Variants in TRIM67 observed in about 807,000 individuals in gnomAD.
The protein encoded by TRIM67 is tripartite motif-containing protein 67.
Under a neutral mutation model 71.0 loss-of-function variants are expected in TRIM67, and 39 were observed. That is an observed-to-expected ratio of 0.55 (90% confidence interval 0.43 to 0.72). The LOEUF is 0.72. Among genes scored for constraint, TRIM67 ranks in the 30% least tolerant of loss-of-function variants. TRIM67 has a pLI of 0.00. For synonymous variants in TRIM67, 481 were observed against 473.9 expected (o/e 1.01, Z -0.19); for missense variants, 973 against 1,079.2 (o/e 0.90, Z 1.38).
At chr1:231,181,625 A>C (rs1682909750) in intron 1 of TRIM67, among the ~76,000 whole-genome samples, 1 of 152,256 alleles carries the variant, frequency 6.6e-6, no homozygotes, top group African/African-American at 2.4e-5. Flanking sequence ...GAAAAAAGAA[A>C]AAAACTTTAA....
chr1:231,191,244 TG>T (rs1351733100), intron 1 of TRIM67, among the ~76,000 whole-genome samples: 2 of 152,164 alleles, frequency 1.3e-5, no homozygotes, highest in African/African-American at 4.8e-5. Context: ...TTGTATTTTT[TG>T]TAGTGACAGG....
At chr1:231,201,615 C>A in intron 5 of TRIM67, 98 bp downstream of exon 5, 1 of 1,410,332 alleles carries the variant, frequency 7.1e-7, no homozygotes, top group Non-Finnish European at 9.5e-7. Flanking sequence ...CTGTGATGCA[C>A]GGAGTGTGGC....
At chr1:231,197,581 T>C (rs1683401447) in intron 2 of TRIM67, 115 bp downstream of exon 2, 2 of 894,852 alleles carry the variant, frequency 2.2e-6, no homozygotes, top group African/African-American at 3.3e-5. Context: ...ATCCCAACAC[T>C]TTGGGAGGCC....
chr1:231,185,966 C>A, intron 1 of TRIM67: 1 of 852,006 alleles, frequency 1.2e-6, no homozygotes, highest in Non-Finnish European at 1.9e-6. Flanking sequence ...GGGACAAGGG[C>A]TCATAACTAG....
Position 231,219,995 on chromosome 1 carries a change from T to C in TRIM67, c.*4555T>C, listed in dbSNP as rs1447644361. 7.8e-7 allele frequency: 1 copy of C among 1,275,620 alleles called. No homozygotes were observed. The highest frequency in any genetic ancestry group is 1.0e-6 in the Non-Finnish European group (1 of 976,092). 79.0% of individuals were successfully genotyped at this position (1,275,620 alleles called of 1,614,324 possible). ...TTCATGGTATGAGTGGGGGCCAATC[T>C]CTTATCCTTTCTGTGCCTCAGTATC... On this transcript the variant is annotated 3_prime_UTR_variant, in exon 10 of 10. Transcript: ENST00000366653.
chr1:231,205,604 T>C (rs1683672662), intron 6 of TRIM67, among the ~76,000 whole-genome samples: 1 of 151,930 alleles, frequency 6.6e-6, no homozygotes, highest in African/African-American at 2.4e-5. Flanking sequence ...CGGATGCCTG[T>C]TGTCCCAGCT....
intron 2 of TRIM67, among the ~76,000 whole-genome samples, chr1:231,198,672 T>A (rs975032619): frequency 6.6e-6 from 1 of 152,128 alleles, no homozygotes; most frequent in East Asian, 1.9e-4. Flanking sequence ...AGGCATGAGC[T>A]GCCGCGCCGG....
intron 1 of TRIM67, among the ~76,000 whole-genome samples, chr1:231,192,112 T>C (rs1387667579): frequency 6.6e-6 from 1 of 152,068 alleles, no homozygotes; most frequent in Non-Finnish European, 1.5e-5. Context: ...TTTTTGAGGC[T>C]ACAGTGAGCT....
intron 1 of TRIM67, among the ~76,000 whole-genome samples, chr1:231,167,098 T>C (rs979043861): frequency 3.3e-5 from 5 of 151,986 alleles, no homozygotes; most frequent in African/African-American, 1.2e-4. Flanking sequence ...TGGGTAGGAG[T>C]TGATTCCTAA....
chr1:231,192,229 A>G (rs1030432833), intron 1 of TRIM67, among the ~76,000 whole-genome samples: 6 of 151,942 alleles, frequency 3.9e-5, no homozygotes, highest in African/African-American at 1.5e-4. Flanking sequence ...TCTGTCTTTG[A>G]TACAGGGTCT....
chr1:231,196,911 G>A (rs886848264), intron 1 of TRIM67, among the ~76,000 whole-genome samples: 2 of 152,188 alleles, frequency 1.3e-5, no homozygotes, highest in Non-Finnish European at 2.9e-5. Flanking sequence ...CATCCCTCAG[G>A]GCATACCAGG....
chr1:231,216,709 G>A lies in TRIM67; in HGVS notation c.*1269G>A, dbSNP rs371710883. On this transcript the variant is annotated 3_prime_UTR_variant, in exon 10 of 10. Transcript: ENST00000366653. Reference sequence around the variant, plus strand: ...TTCCCACTGTGAGACTGGGTGTGCCGAGTCTGACCTGCCAGGGCAGGACTC... The same window carrying A: ...TTCCCACTGTGAGACTGGGTGTGCCAAGTCTGACCTGCCAGGGCAGGACTC... 19 of 985,512 alleles carry A rather than the reference G, an allele frequency of 1.9e-5. No homozygotes were observed. Among genetic ancestry groups the A allele is most frequent in the Admixed American group, 6.1e-5 (1 of 16,294 alleles). 61.0% of individuals were successfully genotyped at this position (985,512 alleles called of 1,614,324 possible). A position where few individuals can be genotyped will look rare whatever the true frequency, so the allele number is the denominator to read the frequency against.
Position 231,218,067 on chromosome 1 carries a change from C to G in TRIM67, c.*2627C>G. The G allele has an allele frequency of 8.8e-7, 1 of 1,130,960 alleles. No individual in the cohort carries two copies. The highest frequency in any genetic ancestry group is 1.1e-6 in the Non-Finnish European group (1 of 907,904). 70.1% of individuals were successfully genotyped at this position (1,130,960 alleles called of 1,614,324 possible). ...CCTCTCCTGTCTTCAGCACAAAACA[C>G]CTTCAATGTTCTGACTTCAAAGAGA... is the stretch of plus-strand genomic sequence containing the variant. On this transcript the variant is annotated 3_prime_UTR_variant, in exon 10 of 10. Transcript: ENST00000366653.
chr1:231,180,103 T>C (rs1041471180), intron 1 of TRIM67, among the ~76,000 whole-genome samples: 1 of 152,212 alleles, frequency 6.6e-6, no homozygotes, highest in African/African-American at 2.4e-5. Flanking sequence ...TTAAATGTCC[T>C]GAGGTGTTTG....
intron 1 of TRIM67, among the ~76,000 whole-genome samples, chr1:231,172,628 C>G (rs1682645973): frequency 6.6e-6 from 1 of 152,096 alleles, no homozygotes; most frequent in Non-Finnish European, 1.5e-5. Flanking sequence ...AGCACTCACT[C>G]CAGAAGGAGA....
chr1:231,208,968 C>T lies in TRIM67; in HGVS notation c.1841C>T (p.Pro614Leu), dbSNP rs1298226996. The T allele has an allele frequency of 6.3e-7, 1 of 1,593,898 alleles. No individual in the cohort carries two copies. Among genetic ancestry groups the T allele is most frequent in the Non-Finnish European group, 8.6e-7 (1 of 1,165,392 alleles). Residue 614 changes from proline to leucine, a missense_variant, in exon 8 of 10, where the codon CCC becomes CTC. Pro to Leu is a moderately conservative substitution (Grantham distance 98). This residue lies in a region of TRIM67 where 178 missense variants were observed against 247.9 expected (regional missense o/e 0.72). Transcript: ENST00000366653. ...TTAGTGGCCTGGTTCACATTTGACC[C>T]CAACTCTGGGCATCGGGACATCATT... ...TSDVAWFTFD[P>L]NSGHRDIILS...
At chr1:231,206,516 C>A in intron 6 of TRIM67, 136 bp from the exon 7 acceptor site, 1 of 800,840 alleles carries the variant, frequency 1.2e-6, no homozygotes, top group Non-Finnish European at 1.8e-6. Flanking sequence ...GCGATGCTCC[C>A]ACCTCAGCTT....
At chr1:231,213,753 G>A (rs1162233613) in intron 8 of TRIM67, 62 bp from the exon 9 acceptor site, 1 of 1,498,484 alleles carries the variant, frequency 6.7e-7, no homozygotes, top group Admixed American at 2.2e-5. Context: ...TAATTCTCCT[G>A]AGTTATCACC....
chr1:231,185,573 C>G (rs1409559385), intron 1 of TRIM67, among the ~76,000 whole-genome samples: 1 of 151,780 alleles, frequency 6.6e-6, no homozygotes, highest in African/African-American at 2.4e-5. Context: ...AGCACTGGGA[C>G]CTTTGCCTAG....
Sources: allele counts gnomAD v4.1 joint callset (sites outside exome capture counted in the v4.1 genomes callset), GRCh38; gene constraint gnomAD v4.1.1; regional missense constraint gnomAD v4.1.1; transcripts MANE v1.5; gene names NCBI Gene and HGNC (gene_info 2026-07-23, HGNC 2026-07-21).